Variants in CLEC16A observed in about 807,000 individuals in gnomAD.
The protein encoded by CLEC16A is protein CLEC16A.
Under a neutral mutation model 109.5 loss-of-function variants are expected in CLEC16A, and 51 were observed. The ratio of observed to expected loss-of-function variants is 0.47; its 90% confidence interval spans 0.37 to 0.59. The LOEUF is 0.59. Among genes scored for constraint, CLEC16A ranks in the 20% least tolerant of loss-of-function variants. The pLI, the probability that CLEC16A is intolerant of heterozygous loss-of-function variation, is 0.00. For missense variants in CLEC16A, 1,339 were observed against 1,394.0 expected, an observed-to-expected ratio of 0.96 and a Z score of 0.63; for synonymous variants, 673 against 564.2, an observed-to-expected ratio of 1.19 and a Z score of -2.73.
At chr16:11,125,300 T>G (rs2052725369) in intron 21 of CLEC16A, among the ~76,000 whole-genome samples, 1 of 144,504 alleles carries the variant, frequency 6.9e-6, no homozygotes, top group African/African-American at 2.5e-5. Context: ...TTTCAGAGAG[T>G]TTTTTTTTTT....
chr16:10,977,748 C>A (rs138492521), intron 8 of CLEC16A, among the ~76,000 whole-genome samples: 25 of 152,242 alleles, frequency 1.6e-4, no homozygotes, highest in African/African-American at 5.1e-4. Context: ...AAACTCTTGA[C>A]CTCAGGTGAT....
chr16:11,036,506 G>A (rs942885071), intron 13 of CLEC16A, among the ~76,000 whole-genome samples: 21 of 140,454 alleles, frequency 1.5e-4, no homozygotes, highest in African/African-American at 5.5e-4. Context: ...TTTAGCTCTT[G>A]TTAGGTTTTA....
At chr16:10,950,721 C>T in intron 1 of CLEC16A, among the ~76,000 whole-genome samples, 1 of 152,210 alleles carries the variant, frequency 6.6e-6, no homozygotes, top group Non-Finnish European at 1.5e-5. Context: ...GTCTGCAGGG[C>T]CTCTGCCCGA....
Position 11,044,909 on chromosome 16 carries a change from A to G in CLEC16A, c.1815+837A>G, listed in dbSNP as rs1236983751. The stretch of plus-strand genomic sequence containing the variant: ...CCATTGCCCTCCATCCTAGGCAACA[A>G]GAGCGAAAACTCCATCTCAAAAAAA... On this transcript the variant is annotated intron_variant, in intron 16 of 23. Transcript: ENST00000409790. 1.1e-4 allele frequency among the ~76,000 whole-genome samples: 17 copies of G among 149,200 alleles called. No individual in the cohort carries two copies. In the East Asian group the frequency reaches 3.0e-3, roughly 26 times the overall value.
intron 22 of CLEC16A, among the ~76,000 whole-genome samples, chr16:11,132,051 C>T (rs1434552860): frequency 2.0e-5 from 3 of 152,194 alleles, no homozygotes; most frequent in Non-Finnish European, 4.4e-5. Flanking sequence ...GTTCTCTGCA[C>T]GGCAGCTTGT....
intron 12 of CLEC16A, among the ~76,000 whole-genome samples, chr16:11,023,592 T>A (rs741178): frequency 0.085 from 12,871 of 150,712 alleles, 596 homozygotes; most frequent in African/African-American, 0.12. Context: ...TGAAATGTTA[T>A]GACAAGTACA....
At chr16:11,007,010 T>C (rs934564854) in intron 11 of CLEC16A, among the ~76,000 whole-genome samples, 3 of 152,140 alleles carry the variant, frequency 2.0e-5, no homozygotes, top group Admixed American at 6.5e-5. Flanking sequence ...CTTCCTAGGG[T>C]ACGTGCTTGT....
At chr16:11,153,818 A>G (rs1434231369) in intron 22 of CLEC16A, among the ~76,000 whole-genome samples, 1 of 152,216 alleles carries the variant, frequency 6.6e-6, no homozygotes, top group Non-Finnish European at 1.5e-5. Flanking sequence ...CTACAAATGC[A>G]TAATAGCTAG....
chr16:11,023,082 G>T (rs1041148031), intron 12 of CLEC16A, among the ~76,000 whole-genome samples: 2 of 147,334 alleles, frequency 1.4e-5, no homozygotes, highest in Admixed American at 6.7e-5. Context: ...TACCATTTTG[G>T]TTATTTTTTT....
At chr16:11,071,481 G>T (rs1315279686) in intron 19 of CLEC16A, among the ~76,000 whole-genome samples, 1 of 152,116 alleles carries the variant, frequency 6.6e-6, no homozygotes, top group Non-Finnish European at 1.5e-5. Context: ...ACAGTTGTCA[G>T]CCTGGATTGA....
At chr16:11,019,088 C>T (rs191676325) in intron 11 of CLEC16A, among the ~76,000 whole-genome samples, 2 of 152,260 alleles carry the variant, frequency 1.3e-5, no homozygotes, top group East Asian at 3.9e-4. Context: ...TATGTGTTCA[C>T]ATCCCTCTGG....
intron 13 of CLEC16A, among the ~76,000 whole-genome samples, chr16:11,028,607 A>AT (rs150314016): frequency 0.14 from 20,665 of 151,698 alleles, 1,401 homozygotes; most frequent in African/African-American, 0.15. Flanking sequence ...TTGATCATTG[A>AT]TTTTTTAAGC....
At chr16:11,065,541 A>G (rs1292499318) in intron 19 of CLEC16A, among the ~76,000 whole-genome samples, 1 of 152,226 alleles carries the variant, frequency 6.6e-6, no homozygotes, top group Non-Finnish European at 1.5e-5. Flanking sequence ...GCCAGACTTC[A>G]CTTCTGTTCT....
intron 22 of CLEC16A, among the ~76,000 whole-genome samples, chr16:11,146,858 G>A (rs958010266): frequency 2.0e-5 from 3 of 152,122 alleles, no homozygotes; most frequent in African/African-American, 7.2e-5. Context: ...GGGACTCAGG[G>A]GTTAGTCAAA....
chr16:11,164,902 AG>A (rs2153090986), intron 22 of CLEC16A, among the ~76,000 whole-genome samples: 1 of 152,340 alleles, frequency 6.6e-6, no homozygotes, highest in African/African-American at 2.4e-5. Flanking sequence ...TGTGAAGTTC[AG>A]GCAGGGCAGG....
At chr16:11,098,344 G>T (rs2050723853) in intron 19 of CLEC16A, among the ~76,000 whole-genome samples, 1 of 152,276 alleles carries the variant, frequency 6.6e-6, no homozygotes, top group African/African-American at 2.4e-5. Context: ...CGAGGATGCA[G>T]AAAGGGACAG....
intron 2 of CLEC16A, among the ~76,000 whole-genome samples, chr16:10,962,129 C>G (rs1006378005): frequency 6.6e-6 from 1 of 151,308 alleles, no homozygotes; most frequent in South Asian, 2.1e-4. Flanking sequence ...TTTTTCTTCT[C>G]TGTAGAGGTA....
At chr16:11,127,429 C>T (rs1191945116) in intron 22 of CLEC16A, among the ~76,000 whole-genome samples, 3 of 152,172 alleles carry the variant, frequency 2.0e-5, no homozygotes, top group Non-Finnish European at 2.9e-5. Flanking sequence ...GCAAATTTCT[C>T]ATGTCTGTGT....
At position 11,160,400 on chromosome 16, in the gene CLEC16A, C is replaced by T. The variant is rs537249666; in HGVS notation, c.2642-5988C>T. On this transcript the variant is annotated intron_variant, in intron 22 of 23. Transcript: ENST00000409790. ...CCAGGTGTGAACCCAGACAAAAACT[C>T]GGTCCCATCTCTGGTTTCTACCCAA... Among the ~76,000 whole-genome samples the T allele has an allele frequency of 1.2e-3, 182 of 152,258 alleles. 2 individuals carry two copies. The highest frequency in any genetic ancestry group is 7.9e-3 in the South Asian group (38 of 4,824).
Sources: allele counts gnomAD v4.1 joint callset (sites outside exome capture counted in the v4.1 genomes callset), GRCh38; gene constraint gnomAD v4.1.1; transcripts MANE v1.5; gene names NCBI Gene and HGNC (gene_info 2026-07-23, HGNC 2026-07-21).